MACROD2: variants seen among roughly 807,000 people sequenced by gnomAD.
MACROD2 encodes mono-ADP ribosylhydrolase 2, also known as ADP-ribose glycohydrolase MACROD2.
A neutral mutation model predicts 70.4 loss-of-function variants in MACROD2; 36 were observed. The observed-to-expected ratio is 0.51, with a 90% CI of 0.39 to 0.68. The LOEUF (loss-of-function observed/expected upper bound fraction) is 0.68. Ranked by LOEUF, MACROD2 falls within the 30% of genes least tolerant of loss-of-function variation. The pLI, the probability that MACROD2 is intolerant of heterozygous loss-of-function variation, is 0.00. For missense variants in MACROD2, 496 were observed against 538.4 expected (o/e 0.92, Z 0.78); for synonymous variants, 172 against 178.8 (o/e 0.96, Z 0.30).
chr20:14,783,797 A>G (rs1186292067), intron 5 of MACROD2, among the ~76,000 whole-genome samples: 2 of 152,216 alleles, frequency 1.3e-5, no homozygotes, highest in African/African-American at 2.4e-5. Flanking sequence ...GCTTAATCCA[A>G]CTAAGGAACT....
chr20:14,198,789 G>A (rs1031399469), intron 3 of MACROD2, among the ~76,000 whole-genome samples: 6 of 151,812 alleles, frequency 4.0e-5, no homozygotes, highest in Middle Eastern at 3.4e-3. Flanking sequence ...TTATCTGTAA[G>A]TATTCATGAA....
In MACROD2 at chr20:15,801,010, C is replaced by A. The variant is rs112695558; in HGVS notation, c.646-61735C>A. 8.3e-3 allele frequency among the ~76,000 whole-genome samples: 1,247 copies of A among 149,760 alleles called. 26 individuals are homozygous for A. Among genetic ancestry groups the A allele is most frequent in the African/African-American group, 0.03 (1,194 of 39,690 alleles). ...AGGCAGCATGCTCCTTAAGAGTCATCGCCACTCCCTAATCTCAAGTACCCA... is the reference window on the plus strand; with the variant it reads ...AGGCAGCATGCTCCTTAAGAGTCATAGCCACTCCCTAATCTCAAGTACCCA... On this transcript the variant is annotated intron_variant, in intron 8 of 17. Coordinates refer to ENST00000684519, the MANE Select transcript of MACROD2 (RefSeq NM_001351661.2).
At chr20:15,812,632 G>A (rs2063833088) in intron 8 of MACROD2, among the ~76,000 whole-genome samples, 1 of 151,850 alleles carries the variant, frequency 6.6e-6, no homozygotes, top group Non-Finnish European at 1.5e-5. Context: ...ATTCTGAAAT[G>A]CCTGTTCATT....
At chr20:15,474,107 A>G (rs1249698544) in intron 7 of MACROD2, among the ~76,000 whole-genome samples, 1 of 152,206 alleles carries the variant, frequency 6.6e-6, no homozygotes, top group African/African-American at 2.4e-5. Flanking sequence ...TCATTGGGAG[A>G]ACCTAAATGA....
intron 3 of MACROD2, among the ~76,000 whole-genome samples, chr20:14,101,601 C>T (rs1601225192): frequency 1.3e-5 from 2 of 151,984 alleles, no homozygotes; most frequent in African/African-American, 4.8e-5. Context: ...AAGTATTAAT[C>T]ACAATGAAAT....
chr20:14,178,478 G>A (rs1310473974), intron 3 of MACROD2, among the ~76,000 whole-genome samples: 1 of 152,084 alleles, frequency 6.6e-6, no homozygotes, highest in African/African-American at 2.4e-5. Flanking sequence ...GAGAAAGAAG[G>A]AGATATTAGA....
intron 3 of MACROD2, among the ~76,000 whole-genome samples, chr20:14,151,815 T>C (rs1041465226): frequency 5.6e-5 from 7 of 124,696 alleles, no homozygotes; most frequent in African/African-American, 1.5e-4. Context: ...TTGTATCTTT[T>C]TTTTTTTTTT....
At chr20:15,215,126 G>T (rs1390265863) in intron 5 of MACROD2, among the ~76,000 whole-genome samples, 2 of 152,078 alleles carry the variant, frequency 1.3e-5, no homozygotes, top group Non-Finnish European at 2.9e-5. Flanking sequence ...ATTTATAAAA[G>T]ATGAGGTATA....
intron 5 of MACROD2, among the ~76,000 whole-genome samples, chr20:14,806,592 C>A (rs2072641762): frequency 6.6e-6 from 1 of 152,072 alleles, no homozygotes; most frequent in African/African-American, 2.4e-5. Context: ...TGAGACTGAA[C>A]CATTCACTCC....
chr20:15,972,846 G>A (rs971219737), intron 13 of MACROD2, among the ~76,000 whole-genome samples: 1 of 151,788 alleles, frequency 6.6e-6, no homozygotes, highest in African/African-American at 2.4e-5. Flanking sequence ...TAAATAAAAG[G>A]TCCCAATGGA....
chr20:15,510,714 A>G (rs891973816), intron 8 of MACROD2, among the ~76,000 whole-genome samples: 4 of 152,168 alleles, frequency 2.6e-5, no homozygotes, highest in Non-Finnish European at 5.9e-5. Flanking sequence ...CTCCAATTTC[A>G]TGGCTCAATG....
At chr20:14,790,329 C>G (rs904776360) in intron 5 of MACROD2, among the ~76,000 whole-genome samples, 2 of 151,622 alleles carry the variant, frequency 1.3e-5, no homozygotes, top group Admixed American at 1.3e-4. Context: ...AAAGGTCAAT[C>G]CAAGGCCCAG....
chr20:15,271,068 G>C (rs765989286), intron 6 of MACROD2, among the ~76,000 whole-genome samples: 1 of 152,162 alleles, frequency 6.6e-6, no homozygotes, highest in Non-Finnish European at 1.5e-5. Context: ...ACAAAATCTA[G>C]ACCCCAAATG....
intron 8 of MACROD2, among the ~76,000 whole-genome samples, chr20:15,674,990 A>G (rs1319751311): frequency 1.3e-5 from 2 of 152,172 alleles, no homozygotes; most frequent in African/African-American, 4.8e-5. Flanking sequence ...ATGCAGGCTT[A>G]TGCTGTTTGC....
chr20:15,663,820 T>C, intron 8 of MACROD2, among the ~76,000 whole-genome samples: 1 of 152,176 alleles, frequency 6.6e-6, no homozygotes. Flanking sequence ...CCAATGGGCC[T>C]TTTTCTTCCC....
intron 5 of MACROD2, among the ~76,000 whole-genome samples, chr20:14,930,766 T>TAAAAAAAAAAA (rs11474347): frequency 4.2e-5 from 3 of 71,648 alleles, no homozygotes; most frequent in African/African-American, 1.6e-4. Context: ...GAGCGTGTCT[T>TAAAAAAAAAAA]AAAAAAAAAA....
At chr20:15,074,218 G>C (rs185513617) in intron 5 of MACROD2, among the ~76,000 whole-genome samples, 2 of 152,264 alleles carry the variant, frequency 1.3e-5, no homozygotes, top group Non-Finnish European at 2.9e-5. Context: ...ATGATTAGAG[G>C]GTTGAGACTT....
At chr20:15,624,736 T>C (rs921827899) in intron 8 of MACROD2, among the ~76,000 whole-genome samples, 17 of 152,224 alleles carry the variant, frequency 1.1e-4, no homozygotes, top group Non-Finnish European at 2.2e-4. Flanking sequence ...CAACATTTTC[T>C]CTCTGGCCCT....
chr20:14,727,377 A>T (rs1932948), intron 5 of MACROD2, among the ~76,000 whole-genome samples: 140,999 of 152,082 alleles, frequency 0.93, 65,422 homozygotes, highest in East Asian at 1. Context: ...CAAAAAAATA[A>T]TTTAAAAATT....
Sources: gnomAD v4.1 joint callset for allele counts (sites outside exome capture counted in the v4.1 genomes callset) on GRCh38, gnomAD v4.1.1 for gene constraint, MANE v1.5 for transcripts, NCBI Gene and HGNC (gene_info 2026-07-23, HGNC 2026-07-21) for gene names.